The following RELN variants were observed in gnomAD, a reference collection of about 807,000 sequenced individuals.
RELN encodes reelin.
Under a neutral mutation model 427.6 loss-of-function variants are expected in RELN, and 108 were observed. That is an observed-to-expected ratio of 0.25 (90% CI 0.22 to 0.30). RELN has a LOEUF of 0.30. RELN is among the 10% of genes least tolerant of loss of function. RELN has a pLI of 1.00. For synonymous variants in RELN, 1,524 were observed against 1,513.4 expected (o/e 1.01, Z -0.16); for missense variants, 3,715 against 4,302.8 (o/e 0.86, Z 3.82).
intron 11 of RELN, among the ~76,000 whole-genome samples, chr7:103,676,296 T>G (rs1323466119): frequency 6.6e-6 from 1 of 152,288 alleles, no homozygotes; most frequent in Non-Finnish European, 1.5e-5. Context: ...AAAATGCTCA[T>G]CATCACTGGC....
Position 103,629,983 on chromosome 7 carries a change from G to C in RELN, c.2659C>G (p.Leu887Val). The change falls in exon 20 of 65, where the codon CTT (leucine) becomes GTT (valine). Residue 887 changes from leucine (L) to valine (V), a missense_variant. This residue lies in a region of RELN where 2,208 missense variants were observed against 2,361.7 expected (regional missense o/e 0.93). Coordinates refer to ENST00000428762, the MANE Select transcript of RELN (RefSeq NM_005045.4). ...CCACAGTATGGCTGAACATTTCCAA[G>C]GTAGAATCCCAGAGACTGAGTGACC... ...VEVTQSLGFY[L>V]GNVQPYCGHD... 6.2e-7 allele frequency: 1 copy of C among 1,613,570 alleles called. No homozygotes were observed. The highest frequency in any genetic ancestry group is 8.5e-7 in the Non-Finnish European group (1 of 1,179,636).
chr7:103,524,893 A>G (rs1013887530), intron 46 of RELN, among the ~76,000 whole-genome samples: 1 of 151,994 alleles, frequency 6.6e-6, no homozygotes, highest in African/African-American at 2.4e-5. Flanking sequence ...ATCTCTGCCT[A>G]ATAAACTCCT....
chr7:103,904,910 TAACATTAAGACACC>T (rs1192109759), intron 2 of RELN, among the ~76,000 whole-genome samples: 1 of 149,956 alleles, frequency 6.7e-6, no homozygotes, highest in East Asian at 2.0e-4. Flanking sequence ...CCTAATAATG[TAACATTAAGACACC>T]AACATGCTGT....
At chr7:103,749,568 A>G in intron 5 of RELN, 64 bp from the exon 6 acceptor site, 1 of 1,115,230 alleles carries the variant, frequency 9.0e-7, no homozygotes, top group Non-Finnish European at 1.4e-6. Flanking sequence ...GCTAAACACA[A>G]GTGCCAACAT....
chr7:103,535,228 A>G (rs1008307389), intron 46 of RELN, 88 bp downstream of exon 46: 2 of 1,250,930 alleles, frequency 1.6e-6, no homozygotes, highest in Middle Eastern at 1.9e-4. Flanking sequence ...ACCCTCACAT[A>G]TCTCATTAAA....
At chr7:103,693,719 T>C (rs997280319) in intron 10 of RELN, among the ~76,000 whole-genome samples, 2 of 152,106 alleles carry the variant, frequency 1.3e-5, no homozygotes, top group South Asian at 2.1e-4. Context: ...GGCAGCATAA[T>C]GTAATTTGTG....
At chr7:103,518,128 C>T (rs76437684) in intron 49 of RELN, among the ~76,000 whole-genome samples, 3,621 of 152,002 alleles carry the variant, frequency 0.024, 163 homozygotes, top group African/African-American at 0.083. Flanking sequence ...TACAGTAGTC[C>T]TGGAGTACTT....
At chr7:103,970,605 C>T (rs890841801) in intron 1 of RELN, among the ~76,000 whole-genome samples, 2 of 152,130 alleles carry the variant, frequency 1.3e-5, no homozygotes, top group African/African-American at 4.8e-5. Context: ...CTTACAAAGA[C>T]AATCCATTCA....
intron 11 of RELN, among the ~76,000 whole-genome samples, chr7:103,679,694 G>T (rs983086143): frequency 1.3e-5 from 2 of 151,196 alleles, no homozygotes; most frequent in African/African-American, 4.9e-5. Flanking sequence ...AATAGTTTTA[G>T]TTCTTTTTTT....
Position 103,553,797 on chromosome 7 carries a change from G to A in RELN, c.5832C>T (p.Phe1944=), listed in dbSNP as rs767598814. 84 of 1,614,048 alleles carry A rather than the reference G, an allele frequency of 5.2e-5. No homozygotes were observed. Among genetic ancestry groups the A allele is most frequent in the Non-Finnish European group, 7.0e-5 (83 of 1,179,988 alleles). The change falls in exon 39 of 65, where the codon TTC becomes TTT. Residue 1944 remains phenylalanine, a synonymous_variant. Coordinates refer to ENST00000428762, the MANE Select transcript of RELN (RefSeq NM_005045.4). ...KKEEIWIVDD[F]IIDGNNVNNP... ...TGTTTACATTATTTCCATCGATAAT[G>A]AAGTCATCAACAATCCAGATTTCTT...
rs1015838939 is a variant in RELN, at chr7:103,953,824, C to G, written c.226+35307G>C. Among the ~76,000 whole-genome samples, 6 of 151,912 alleles carry G rather than the reference C, an allele frequency of 3.9e-5. No individual in the cohort carries two copies. Among genetic ancestry groups the G allele is most frequent in the Non-Finnish European group, 7.4e-5 (5 of 68,012 alleles). ...GCACACGCCTATAATCCCAACTACT[C>G]GGGAGACTGAGGCAGGAGAATCCCC... On this transcript the variant is annotated intron_variant, in intron 1 of 64. Transcript: ENST00000428762. The surrounding 1 kb of genome is among the most constrained non-coding windows in gnomAD (Gnocchi z 4.3).
intron 2 of RELN, among the ~76,000 whole-genome samples, chr7:103,916,676 T>C (rs1159963360): frequency 6.6e-6 from 1 of 152,178 alleles, no homozygotes; most frequent in African/African-American, 2.4e-5. Context: ...AATGTTCAGT[T>C]GCCAGATTTA....
chr7:103,745,449 T>G (rs1395098629), intron 6 of RELN, among the ~76,000 whole-genome samples: 1 of 148,104 alleles, frequency 6.8e-6, no homozygotes, highest in Non-Finnish European at 1.5e-5. Context: ...TAAAGGGTAT[T>G]CAATTAGGAA....
At position 103,853,124 on chromosome 7, in the gene RELN, T is replaced by C. The variant is rs189329226; in HGVS notation, c.338-19452A>G. On this transcript the variant is annotated intron_variant, in intron 2 of 64. Coordinates refer to ENST00000428762, the MANE Select transcript of RELN (RefSeq NM_005045.4). The stretch of plus-strand genomic sequence containing the variant: ...TCTCAGAAATTCTGAAGTTCCCTCA[T>C]ATTTAAAATAGATTGCGGGGAAAAT... 1.7e-3 allele frequency among the ~76,000 whole-genome samples: 265 copies of C among 152,148 alleles called. 1 individual carries two copies. Among genetic ancestry groups the C allele is most frequent in the African/African-American group, 6.1e-3 (253 of 41,556 alleles).
At chr7:103,910,221 G>T (rs1319147234) in intron 2 of RELN, among the ~76,000 whole-genome samples, 1 of 134,668 alleles carries the variant, frequency 7.4e-6, no homozygotes, top group Non-Finnish European at 1.6e-5. Context: ...TTTGTCTGTT[G>T]TTGGTGTATA....
intron 11 of RELN, among the ~76,000 whole-genome samples, chr7:103,674,147 T>C (rs2115643758): frequency 6.6e-6 from 1 of 152,250 alleles, no homozygotes; most frequent in Middle Eastern, 3.4e-3. Flanking sequence ...GCTCACTAAT[T>C]TGTTATTTAG....
At chr7:103,777,804 ATAAAT>A (rs1248766806) in intron 3 of RELN, among the ~76,000 whole-genome samples, 1 of 151,948 alleles carries the variant, frequency 6.6e-6, no homozygotes, top group Non-Finnish European at 1.5e-5. Context: ...AGGTAATCTG[ATAAAT>A]TAATCCATGT....
chr7:103,925,243 A>C (rs977149334), intron 1 of RELN, among the ~76,000 whole-genome samples: 10 of 152,308 alleles, frequency 6.6e-5, no homozygotes, highest in Admixed American at 4.6e-4. Context: ...ATAAAGAATT[A>C]AAATATAATT....
intron 22 of RELN, among the ~76,000 whole-genome samples, chr7:103,609,510 C>T (rs1831898563): frequency 1.3e-5 from 2 of 152,068 alleles, no homozygotes; most frequent in South Asian, 4.1e-4. Flanking sequence ...GAGAAAGTAG[C>T]AACTTGTTAT....
Sources: gnomAD v4.1 joint callset for allele counts (sites outside exome capture counted in the v4.1 genomes callset) on GRCh38, gnomAD v4.1.1 for gene constraint, gnomAD v4.1.1 regional missense constraint, Gnocchi (gnomAD v3.1) non-coding constraint, MANE v1.5 for transcripts, NCBI Gene and HGNC (gene_info 2026-07-23, HGNC 2026-07-21) for gene names.